MDM2: variants seen among roughly 807,000 people sequenced by gnomAD.
MDM2 encodes the protein MDM2 proto-oncogene.
In MDM2, 11 loss-of-function variants were observed where a neutral mutation model predicts 64.3. The ratio of observed to expected loss-of-function variants is 0.17; its 90% CI spans 0.11 to 0.28. The LOEUF is 0.28. Among genes scored for constraint, MDM2 ranks in the 10% least tolerant of loss-of-function variants. The pLI, the probability that MDM2 is intolerant of heterozygous loss-of-function variation, is 1.00. For synonymous variants in MDM2, 194 were observed against 192.9 expected (o/e 1.01, Z -0.05); for missense variants, 388 against 577.1 (o/e 0.67, Z 3.36).
Position 68,839,372 on chromosome 12 carries a change from T to G in MDM2, c.1017T>G (p.Asp339Glu), listed in dbSNP as rs1454005555. The change falls in exon 11 of 11, where the codon GAT becomes GAG. Residue 339 changes from aspartate (D) to glutamate (E), a missense_variant. Coordinates refer to ENST00000258149, the MANE Select transcript of MDM2 (RefSeq NM_002392.6). ...TTCGTGAGAATTGGCTTCCTGAAGATAAAGGGAAAGATAAAGGGGAAATCT... is the reference window on the plus strand; with the variant it reads ...TTCGTGAGAATTGGCTTCCTGAAGAGAAAGGGAAAGATAAAGGGGAAATCT... The part of the protein sequence containing the change: ...WALRENWLPE[D>E]KGKDKGEISE... The G allele has an allele frequency of 6.2e-7, 1 of 1,613,668 alleles. No homozygotes were observed. Among genetic ancestry groups the G allele is most frequent in the Non-Finnish European group, 8.5e-7 (1 of 1,179,956 alleles).
At chr12:68,808,556 G>A in intron 1 of MDM2, 65 bp downstream of exon 1, 1 of 1,609,560 alleles carries the variant, frequency 6.2e-7, no homozygotes, top group Non-Finnish European at 8.5e-7. Flanking sequence ...CTCTATCGCT[G>A]GTTCCCAGCC....
Position 68,841,497 on chromosome 12 carries a change from A to G in MDM2, c.*1648A>G. 1 of 210,508 alleles carries G rather than the reference A, an allele frequency of 4.8e-6. No homozygotes were observed. Among genetic ancestry groups the G allele is most frequent in the Non-Finnish European group, 9.6e-6 (1 of 103,648 alleles). 13.0% of individuals were successfully genotyped at this position (210,508 alleles called of 1,614,324 possible). A position where few individuals can be genotyped will look rare whatever the true frequency, so the allele number is the denominator to read the frequency against. On this transcript the variant is annotated 3_prime_UTR_variant, in exon 11 of 11. Coordinates refer to ENST00000258149, the MANE Select transcript of MDM2 (RefSeq NM_002392.6). ...GTGAAAATAGCCACCATTTACCCGT[A>G]AGACAAAACTTGTTAAAGCCTCCTG...
Position 68,809,259 on chromosome 12 carries a change from C to T in MDM2, c.66C>T (p.Thr22=). 1.9e-6 allele frequency: 3 copies of T among 1,614,160 alleles called. No individual in the cohort carries two copies. Among genetic ancestry groups the T allele is most frequent in the Non-Finnish European group, 2.5e-6 (3 of 1,180,012 alleles). ...TACCTACTGATGGTGCTGTAACCAC[C>T]TCACAGATTCCAGCTTCGGAACAAG... ...MSVPTDGAVT[T]SQIPASEQET... is the part of the protein sequence containing the mutation. The change falls in exon 2 of 11, where the codon ACC becomes ACT. Residue 22 remains threonine, a synonymous_variant. Coordinates refer to ENST00000258149, the MANE Select transcript of MDM2 (RefSeq NM_002392.6).
chr12:68,823,253 A>AG (rs79787529), intron 5 of MDM2, among the ~76,000 whole-genome samples: 48,599 of 152,048 alleles, frequency 0.32, 9,404 homozygotes, highest in South Asian at 0.54. Flanking sequence ...AATGTTTCCA[A>AG]GGGGGGTAGT....
intron 5 of MDM2, among the ~76,000 whole-genome samples, 199 bp downstream of exon 5, chr12:68,820,573 C>T (rs971969821): frequency 6.6e-6 from 1 of 151,994 alleles, no homozygotes; most frequent in Non-Finnish European, 1.5e-5. Context: ...AGTTAAATAT[C>T]CTGTTAGATC....
intron 1 of MDM2, 36 bp from the exon 2 acceptor site, chr12:68,809,171 AT>A (rs1880632642): frequency 2.5e-6 from 4 of 1,605,736 alleles, no homozygotes; most frequent in African/African-American, 2.7e-5. Flanking sequence ...ATGTTTCATG[AT>A]TTCCAGTTTT....
Position 68,833,318 on chromosome 12 carries a change from A to ATATAAATATATATAT in MDM2, c.685-2510_685-2509insATAAATATATATATT. Among the ~76,000 whole-genome samples the ATATAAATATATATAT allele has an allele frequency of 3.7e-4, 36 of 96,004 alleles. 2 individuals are homozygous for ATATAAATATATATAT. The highest frequency in any genetic ancestry group is 5.0e-4 in the Non-Finnish European group (23 of 45,580). The allele number at this position is 96,004 out of a possible 152,430, so 63.0% of individuals were successfully genotyped here. A position where few individuals can be genotyped will look rare whatever the true frequency, so the allele number is the denominator to read the frequency against. On this transcript the variant is annotated intron_variant, in intron 8 of 10. Coordinates refer to ENST00000258149, the MANE Select transcript of MDM2 (RefSeq NM_002392.6). ...ATATTTATATAAATATAAAAATATA[A>ATATAAATATATATAT]TTATATAAATATAAAAATATATATT...
At chr12:68,835,459 CGAA>C (rs1423445939) in intron 8 of MDM2, among the ~76,000 whole-genome samples, 34 of 152,310 alleles carry the variant, frequency 2.2e-4, no homozygotes, top group Non-Finnish European at 4.3e-4. Flanking sequence ...TGAAGACAGA[CGAA>C]GATGTTAATA....
chr12:68,828,701 T>C, intron 7 of MDM2, 70 bp from the exon 8 acceptor site: 5 of 1,357,246 alleles, frequency 3.7e-6, no homozygotes, highest in Non-Finnish European at 5.1e-6. Flanking sequence ...TCTGTACAAA[T>C]AGGTACTCAA....
At chr12:68,810,565 C>T (rs544644568) in intron 2 of MDM2, among the ~76,000 whole-genome samples, 1 of 151,512 alleles carries the variant, frequency 6.6e-6, no homozygotes, top group Non-Finnish European at 1.5e-5. Flanking sequence ...GGGTTCACGC[C>T]ATTCCCCTGC....
At chr12:68,834,442 CAAAA>C (rs1238918782) in intron 8 of MDM2, among the ~76,000 whole-genome samples, 3 of 128,256 alleles carry the variant, frequency 2.3e-5, no homozygotes, top group Non-Finnish European at 5.0e-5. Context: ...ACTCTTGTCT[CAAAA>C]AAAAAAAGGG....
chr12:68,830,691 G>T (rs1370435736), intron 8 of MDM2, among the ~76,000 whole-genome samples: 1 of 152,022 alleles, frequency 6.6e-6, no homozygotes, highest in Non-Finnish European at 1.5e-5. Flanking sequence ...GTTAAAAAGA[G>T]AATTATTATA....
chr12:68,848,519 C>T (rs1884483274), downstream of MDM2: 1 of 151,684 alleles, frequency 6.6e-6, no homozygotes, highest in Non-Finnish European at 1.5e-5. Flanking sequence ...CAATAAATGG[C>T]AAAAAAGAAG....
downstream of MDM2, chr12:68,849,785 G>A (rs966090346): frequency 4.6e-5 from 7 of 150,826 alleles, no homozygotes; most frequent in African/African-American, 1.7e-4. Context: ...GCAAATTTTT[G>A]TATTTTCAGT....
rs1884069654 is a variant in MDM2 at position 68,844,261 on chromosome 12, A to G, written c.*4412A>G. The stretch of plus-strand genomic sequence containing the variant: ...TTATTTGAATATCATATATTTGGGT[A>G]ACAAAAGGCACAAGTCTGAATGTGT... On this transcript the variant is annotated 3_prime_UTR_variant, in exon 11 of 11. Coordinates refer to ENST00000258149, the MANE Select transcript of MDM2 (RefSeq NM_002392.6). 4.6e-6 allele frequency: 1 copy of G among 216,360 alleles called. No individual in the cohort carries two copies. The highest frequency in any genetic ancestry group is 2.3e-5 in the African/African-American group (1 of 44,414). The allele number at this position is 216,360 out of a possible 1,614,324, so 13.4% of individuals were successfully genotyped here.
At chr12:68,831,322 T>C (rs1341250649) in intron 8 of MDM2, among the ~76,000 whole-genome samples, 1 of 152,198 alleles carries the variant, frequency 6.6e-6, no homozygotes, top group African/African-American at 2.4e-5. Flanking sequence ...TAGCCAGTTT[T>C]ATGTGACGGC....
At chr12:68,833,948 G>A (rs1384151444) in intron 8 of MDM2, among the ~76,000 whole-genome samples, 3 of 152,300 alleles carry the variant, frequency 2.0e-5, no homozygotes, top group South Asian at 2.1e-4. Context: ...CTGATTGGTA[G>A]TAGAGCCCTT....
chr12:68,845,085 ATAAT>A lies in MDM2; in HGVS notation c.*5239_*5242del, dbSNP rs1472084433. Reference sequence around the variant, plus strand: ...GCCCAGCCTAATAAGGGTTTTAAAGATAATTAGTGTGTAGGTCTGTAGGCTTATG... The same window carrying A: ...GCCCAGCCTAATAAGGGTTTTAAAGATAGTGTGTAGGTCTGTAGGCTTATG... On this transcript the variant is annotated 3_prime_UTR_variant, in exon 11 of 11. Transcript: ENST00000258149. 4.6e-6 allele frequency: 1 copy of A among 218,960 alleles called. No individual in the cohort carries two copies. Among genetic ancestry groups the A allele is most frequent in the African/African-American group, 2.3e-5 (1 of 44,390 alleles). 13.6% of individuals were successfully genotyped at this position (218,960 alleles called of 1,614,324 possible).
rs1231312893 is a variant in MDM2, at chr12:68,843,822, T to C, written c.*3973T>C. 4.6e-6 allele frequency: 1 copy of C among 219,726 alleles called. No individual in the cohort carries two copies. Among genetic ancestry groups the C allele is most frequent in the Non-Finnish European group, 9.1e-6 (1 of 109,690 alleles). The allele number at this position is 219,726 out of a possible 1,614,324, so 13.6% of individuals were successfully genotyped here. A position where few individuals can be genotyped will look rare whatever the true frequency, so the allele number is the denominator to read the frequency against. On this transcript the variant is annotated 3_prime_UTR_variant, in exon 11 of 11. Transcript: ENST00000258149. ...TCAGCTACAACCAAGCAGAATCTCT[T>C]TTTTTTGGAGGTCCTCGAAGCATTA...
Sources: gnomAD v4.1 joint callset for allele counts (sites outside exome capture counted in the v4.1 genomes callset) on GRCh38, gnomAD v4.1.1 for gene constraint, MANE v1.5 for transcripts, NCBI Gene and HGNC (gene_info 2026-07-23, HGNC 2026-07-21) for gene names.